The following NUDT2 variants were observed in gnomAD, a reference collection of about 807,000 sequenced individuals.
NUDT2 encodes the protein nudix hydrolase 2, also known as bis(5'-nucleosyl)-tetraphosphatase [asymmetrical].
Under a neutral mutation model 14.2 loss-of-function variants are expected in NUDT2, and 12 were observed. That is an observed-to-expected ratio of 0.84 (90% CI 0.54 to 1.37). The LOEUF (loss-of-function observed/expected upper bound fraction) is 1.37, where lower values mean the gene tolerates loss of function less well. Ranked by LOEUF, NUDT2 falls within the 40% of genes most tolerant of loss-of-function variation. The pLI, the probability that NUDT2 is intolerant of heterozygous loss-of-function variation, is 0.00. For missense variants in NUDT2, 167 were observed against 176.7 expected, an observed-to-expected ratio of 0.95 and a Z score of 0.31; for synonymous variants, 67 against 67.4, an observed-to-expected ratio of 0.99 and a Z score of 0.03.
chr9:34,330,721 G>A (rs1338512608), intron 1 of NUDT2, among the ~76,000 whole-genome samples: 1 of 152,130 alleles, frequency 6.6e-6, no homozygotes, highest in Non-Finnish European at 1.5e-5. Context: ...TAGCCCTTTG[G>A]GAGGCCGAGG....
intron 1 of NUDT2, 49 bp downstream of exon 1, chr9:34,329,648 T>A (rs545326668): frequency 6.6e-6 from 1 of 152,422 alleles, no homozygotes; most frequent in South Asian, 2.1e-4. Flanking sequence ...GTGGAGGAAA[T>A]GAGCCTTGGA....
chr9:34,331,051 A>G (rs1417605611), intron 1 of NUDT2, among the ~76,000 whole-genome samples: 1 of 152,220 alleles, frequency 6.6e-6, no homozygotes, highest in African/African-American at 2.4e-5. Flanking sequence ...TGAGTACCCA[A>G]TTTTGCCCAA....
At chr9:34,341,724 G>C (rs1415075013) in intron 4 of NUDT2, among the ~76,000 whole-genome samples, 1 of 152,134 alleles carries the variant, frequency 6.6e-6, no homozygotes, top group Admixed American at 6.5e-5. Flanking sequence ...TGGCCAGGCT[G>C]GTCTCAAACT....
chr9:34,334,111 A>C (rs548349001), intron 1 of NUDT2, among the ~76,000 whole-genome samples: 8 of 152,200 alleles, frequency 5.3e-5, no homozygotes, highest in Non-Finnish European at 7.3e-5. Context: ...CTAAAGTTAC[A>C]TTTCTGAGGG....
At chr9:34,340,124 C>T (rs920445433) in intron 4 of NUDT2, among the ~76,000 whole-genome samples, 13 of 151,944 alleles carry the variant, frequency 8.6e-5, no homozygotes, top group South Asian at 2.1e-4. Flanking sequence ...TTAGTAGAGA[C>T]GGGGTTTCAC....
At position 34,343,173 on chromosome 9, in the gene NUDT2, C is replaced by A; in HGVS notation, c.177C>A (p.Thr59=). The part of the protein sequence containing the change: ...EDDLETALRE[T]QEEAGIEAGQ... ...ACTTGGAAACAGCCCTGAGGGAGAC[C>A]CAAGAGGAAGCAGGCATAGAAGCAG... Residue 59 remains threonine (T), a synonymous_variant, in exon 5 of 5, where the codon ACC becomes ACA. Coordinates refer to ENST00000379158, the MANE Select transcript of NUDT2 (RefSeq NM_001161.5). 6.2e-7 allele frequency: 1 copy of A among 1,613,950 alleles called. No individual in the cohort carries two copies. Among genetic ancestry groups the A allele is most frequent in the Non-Finnish European group, 8.5e-7 (1 of 1,179,996 alleles).
intron 2 of NUDT2, among the ~76,000 whole-genome samples, chr9:34,338,140 G>T (rs1389378127): frequency 1.2e-4 from 11 of 91,798 alleles, no homozygotes; most frequent in South Asian, 7.9e-4. Flanking sequence ...AGGCAACATA[G>T]TAAGTCCCTG....
chr9:34,342,606 G>A (rs914246639), intron 4 of NUDT2, among the ~76,000 whole-genome samples: 2 of 152,140 alleles, frequency 1.3e-5, no homozygotes, highest in African/African-American at 4.8e-5. Context: ...AGAGAAGAGG[G>A]AATGGAAAGG....
chr9:34,332,959 T>C (rs1837986855), intron 1 of NUDT2, among the ~76,000 whole-genome samples: 2 of 152,074 alleles, frequency 1.3e-5, no homozygotes, highest in Admixed American at 1.3e-4. Flanking sequence ...GGAAAAAAGA[T>C]GATGATGATG....
intron 1 of NUDT2, among the ~76,000 whole-genome samples, chr9:34,331,839 C>A (rs1227985216): frequency 1.3e-5 from 2 of 152,094 alleles, no homozygotes; most frequent in Non-Finnish European, 1.5e-5. Flanking sequence ...TCACTTGCAC[C>A]CCCTCCTCCA....
intron 1 of NUDT2, among the ~76,000 whole-genome samples, chr9:34,334,282 GA>G (rs1230862766): frequency 3.9e-5 from 6 of 152,182 alleles, no homozygotes. Context: ...TTAGCTTCTA[GA>G]ACCTTCTAAT....
intron 1 of NUDT2, among the ~76,000 whole-genome samples, chr9:34,333,097 G>A (rs1837991057): frequency 6.6e-6 from 1 of 152,172 alleles, no homozygotes; most frequent in Non-Finnish European, 1.5e-5. Context: ...AGTGCCCTAA[G>A]TTAAGTGGAA....
intron 4 of NUDT2, among the ~76,000 whole-genome samples, chr9:34,340,636 C>T (rs1187230627): frequency 6.6e-6 from 1 of 152,174 alleles, no homozygotes; most frequent in Admixed American, 6.5e-5. Flanking sequence ...GACCTCACCT[C>T]TAAGAGTAAG....
chr9:34,341,137 T>C (rs1312952065), intron 4 of NUDT2, among the ~76,000 whole-genome samples: 2 of 152,252 alleles, frequency 1.3e-5, no homozygotes, highest in African/African-American at 2.4e-5. Flanking sequence ...ACAAATACTA[T>C]GAATAGGAAT....
intron 1 of NUDT2, among the ~76,000 whole-genome samples, chr9:34,331,255 A>T (rs970159840): frequency 1.3e-5 from 2 of 152,246 alleles, no homozygotes; most frequent in Admixed American, 1.3e-4. Context: ...TCTTTAAAAC[A>T]GAGAAGCTTT....
rs909211249 is a variant in NUDT2 at position 34,338,107 on chromosome 9, G to A, written c.-151-606G>A. 1.8e-4 allele frequency among the ~76,000 whole-genome samples: 21 copies of A among 119,672 alleles called. 1 individual carries two copies. The highest frequency in any genetic ancestry group is 6.1e-3 in the Middle Eastern group (1 of 164). 78.5% of individuals were successfully genotyped at this position (119,672 alleles called of 152,430 possible). ...TCCACCCAGGGAGAGGACCACTTCT[G>A]TTTGGGAGTTTGAGGCCAGTCTAGG... On this transcript the variant is annotated intron_variant, in intron 2 of 4. Transcript: ENST00000379158.
In NUDT2 at chr9:34,343,647, C is replaced by T. The variant is rs563591706; in HGVS notation, c.*207C>T. The T allele has an allele frequency of 3.7e-6, 2 of 537,992 alleles. No homozygotes were observed. The highest frequency in any genetic ancestry group is 3.3e-5 in the Admixed American group (1 of 30,190). The allele number at this position is 537,992 out of a possible 1,614,324, so 33.3% of individuals were successfully genotyped here. A position where few individuals can be genotyped will look rare whatever the true frequency, so the allele number is the denominator to read the frequency against. The stretch of plus-strand genomic sequence containing the variant: ...GGCAAAAGAGTAAAAATTAAAAAGG[C>T]CAGGCCCAGTAAGTGTACCTTGTAC... On this transcript the variant is annotated 3_prime_UTR_variant, in exon 5 of 5. Transcript: ENST00000379158.
At chr9:34,330,208 C>T (rs1837859327) in intron 1 of NUDT2, among the ~76,000 whole-genome samples, 1 of 152,132 alleles carries the variant, frequency 6.6e-6, no homozygotes, top group African/African-American at 2.4e-5. Context: ...TCGAGACCAT[C>T]CTGGCTAACA....
At chr9:34,340,351 CAG>C (rs1201348436) in intron 4 of NUDT2, among the ~76,000 whole-genome samples, 2 of 151,900 alleles carry the variant, frequency 1.3e-5, no homozygotes, top group Non-Finnish European at 2.9e-5. Context: ...GATTCATCTG[CAG>C]ATTGTGGCAG....
Sources: gnomAD v4.1 joint callset for allele counts (sites outside exome capture counted in the v4.1 genomes callset) on GRCh38, gnomAD v4.1.1 for gene constraint, MANE v1.5 for transcripts, NCBI Gene and HGNC (gene_info 2026-07-23, HGNC 2026-07-21) for gene names.